FAM20C: variants seen among roughly 807,000 people sequenced by gnomAD.
FAM20C encodes the protein FAM20C golgi associated secretory pathway kinase, also known as extracellular serine/threonine protein kinase FAM20C.
A neutral mutation model predicts 51.5 loss-of-function variants in FAM20C; 40 were observed. The ratio of observed to expected loss-of-function variants is 0.78; its 90% CI spans 0.60 to 1.01. The LOEUF (loss-of-function observed/expected upper bound fraction) is 1.01, where lower values mean the gene tolerates loss of function less well. Ranked by LOEUF, FAM20C falls within the 50% of genes least tolerant of loss-of-function variation. FAM20C has a pLI of 0.00. For missense variants in FAM20C, 861 were observed against 844.7 expected (o/e 1.02, Z -0.24); for synonymous variants, 406 against 380.6 (o/e 1.07, Z -0.78).
At chr7:257,267 G>A in intron 8 of FAM20C, 181 bp downstream of exon 8, 1 of 626,300 alleles carries the variant, frequency 1.6e-6, no homozygotes, top group Non-Finnish European at 2.8e-6. Context: ...CCAGGAGGGA[G>A]GGCCGCCCCG....
At chr7:209,016 G>C (rs529838555) in intron 3 of FAM20C, 40 bp downstream of exon 3, 4 of 1,553,978 alleles carry the variant, frequency 2.6e-6, no homozygotes, top group African/African-American at 1.4e-5. Context: ...TGAGGAGCTG[G>C]AGCTGCAGGC....
intron 2 of FAM20C, among the ~76,000 whole-genome samples, chr7:208,635 T>G (rs974026550): frequency 6.6e-6 from 1 of 151,802 alleles, no homozygotes; most frequent in Non-Finnish European, 1.5e-5. Flanking sequence ...TAAGCACACC[T>G]GGCCGTCCCT....
At chr7:219,325 G>C (rs947744592) in intron 3 of FAM20C, among the ~76,000 whole-genome samples, 3 of 152,056 alleles carry the variant, frequency 2.0e-5, no homozygotes, top group Non-Finnish European at 2.9e-5. Context: ...TGGATGAAAA[G>C]TGAAGGACAC....
intron 5 of FAM20C, among the ~76,000 whole-genome samples, chr7:248,807 A>G (rs1368781492): frequency 3.2e-3 from 281 of 87,218 alleles, no homozygotes; most frequent in African/African-American, 0.011. Context: ...AGCCTGGCAC[A>G]GGGGCCCGCA....
intron 2 of FAM20C, among the ~76,000 whole-genome samples, chr7:204,048 G>T (rs1213177572): frequency 6.6e-6 from 1 of 152,210 alleles, no homozygotes; most frequent in African/African-American, 2.4e-5. Context: ...GAAAACTAAA[G>T]TCAACCACGG....
chr7:213,158 G>GTC (rs1282394242), intron 3 of FAM20C, among the ~76,000 whole-genome samples: 3 of 147,370 alleles, frequency 2.0e-5, no homozygotes, highest in African/African-American at 5.1e-5. Flanking sequence ...GTGGAGTCCT[G>GTC]CAGTGTGTGG....
At chr7:219,060 C>G (rs1005568005) in intron 3 of FAM20C, among the ~76,000 whole-genome samples, 1 of 152,218 alleles carries the variant, frequency 6.6e-6, no homozygotes, top group Non-Finnish European at 1.5e-5. Flanking sequence ...GTGCTCCCCA[C>G]CGCACAGAGG....
intron 2 of FAM20C, among the ~76,000 whole-genome samples, chr7:199,651 C>T (rs115384904): frequency 0.01 from 1,541 of 152,332 alleles, 40 homozygotes; most frequent in African/African-American, 0.034. Flanking sequence ...TGGAGCGCCA[C>T]GTGGTCTACA....
At chr7:199,205 G>A (rs957708653) in intron 2 of FAM20C, among the ~76,000 whole-genome samples, 3 of 152,238 alleles carry the variant, frequency 2.0e-5, no homozygotes, top group African/African-American at 4.8e-5. Flanking sequence ...TTCTGAGTAC[G>A]AACTTCCAGT....
Position 223,013 on chromosome 7 carries a change from G to A in FAM20C, c.863+14037G>A, listed in dbSNP as rs145410498. Among the ~76,000 whole-genome samples the A allele has an allele frequency of 1.0e-3, 153 of 148,550 alleles. 1 individual carries two copies. The highest frequency in any genetic ancestry group is 1.5e-3 in the Admixed American group (22 of 14,990). ...TGGGTGCATGTGTGGGCATCTGTAC[G>A]TGTGTGTGCCCGTGCATGTGTATGT... is the stretch of plus-strand genomic sequence containing the variant. On this transcript the variant is annotated intron_variant, in intron 3 of 9. Coordinates refer to ENST00000313766, the MANE Select transcript of FAM20C (RefSeq NM_020223.4).
chr7:227,676 G>A (rs1189335723), intron 3 of FAM20C: 2 of 152,136 alleles, frequency 1.3e-5, no homozygotes, highest in Non-Finnish European at 2.9e-5. Flanking sequence ...TTCATTTCCA[G>A]TCTAGTCGTA....
At chr7:257,154 C>G in intron 8 of FAM20C, 68 bp downstream of exon 8, 1 of 1,429,868 alleles carries the variant, frequency 7.0e-7, no homozygotes, top group Non-Finnish European at 9.5e-7. Flanking sequence ...TGCAGCCCAC[C>G]TGAGACCCTG....
At position 193,675 on chromosome 7, in the gene FAM20C, C is replaced by G. The variant is rs1281421251; in HGVS notation, c.476C>G (p.Ser159Cys). ...ESPPGPGGDA[S>C]LLARLFEHPL... ...CCCCCCGGCCCCGGCGGAGACGCCT[C>G]CCTCCTGGCCAGGCTGTTCGAGCAC... The change falls in exon 1 of 10, where the codon TCC (serine) becomes TGC (cysteine). Residue 159 changes from serine to cysteine, a missense_variant. Physicochemically the swap from Ser to Cys is moderately radical, Grantham distance 112 (BLOSUM62 -1). Around this residue, in one of 3 missense-constraint regions of FAM20C, gnomAD observed 561 missense variants for 499.8 expected, o/e 1.12. Transcript: ENST00000313766. 6.5e-7 allele frequency: 1 copy of G among 1,542,862 alleles called. No individual in the cohort carries two copies. The highest frequency in any genetic ancestry group is 2.5e-5 in the East Asian group (1 of 40,304).
At chr7:219,471 G>A (rs777759633) in intron 3 of FAM20C, among the ~76,000 whole-genome samples, 52 of 150,836 alleles carry the variant, frequency 3.4e-4, no homozygotes, top group Non-Finnish European at 6.6e-4. Flanking sequence ...CAGGGCTGTC[G>A]GCGGGGTCTG....
At chr7:224,028 C>T (rs529068479) in intron 3 of FAM20C, among the ~76,000 whole-genome samples, 122 of 147,936 alleles carry the variant, frequency 8.2e-4, no homozygotes, top group African/African-American at 3.0e-3. Flanking sequence ...GGTCGCACGG[C>T]GGCTGTCCCC....
At chr7:217,459 T>A (rs1461887741) in intron 3 of FAM20C, among the ~76,000 whole-genome samples, 1 of 7,462 alleles carries the variant, frequency 1.3e-4, no homozygotes, top group Non-Finnish European at 3.5e-4. Flanking sequence ...GGGGGTAACA[T>A]GCACCTGGAC....
chr7:216,680 TGAGA>T lies in FAM20C; in HGVS notation c.863+7706_863+7709del, dbSNP rs1220790368. On this transcript the variant is annotated intron_variant, in intron 3 of 9. Transcript: ENST00000313766. Reference sequence around the variant, plus strand: ...GTGTGTGTGAGAGACAGAGTGTGTGTGAGAGTGTGTGTGTGTGTGAGACAGAGTG... The same window carrying T: ...GTGTGTGTGAGAGACAGAGTGTGTGTGTGTGTGTGTGTGTGAGACAGAGTG... 1.5e-3 allele frequency among the ~76,000 whole-genome samples: 145 copies of T among 95,026 alleles called. 1 individual carries two copies. Among genetic ancestry groups the T allele is most frequent in the African/African-American group, 4.7e-3 (140 of 29,994 alleles). The allele number at this position is 95,026 out of a possible 152,430, so 62.3% of individuals were successfully genotyped here.
At chr7:204,102 G>A (rs764611352) in intron 2 of FAM20C, among the ~76,000 whole-genome samples, 7 of 152,214 alleles carry the variant, frequency 4.6e-5, no homozygotes, top group Admixed American at 6.5e-5. Flanking sequence ...GCGCCCATCC[G>A]TGCATCCCAG....
intron 3 of FAM20C, among the ~76,000 whole-genome samples, chr7:245,542 G>A (rs1041153061): frequency 2.0e-4 from 31 of 152,184 alleles, no homozygotes; most frequent in Non-Finnish European, 3.7e-4. Flanking sequence ...GGCAGGGGCC[G>A]GCCTTGGTGG....
Sources: allele counts gnomAD v4.1 joint callset (sites outside exome capture counted in the v4.1 genomes callset), GRCh38; gene constraint gnomAD v4.1.1; regional missense constraint gnomAD v4.1.1; transcripts MANE v1.5; gene names NCBI Gene and HGNC (gene_info 2026-07-23, HGNC 2026-07-21).